Variants in RAP1A observed in about 807,000 individuals in gnomAD.
RAP1A encodes RAP1A, member of RAS oncogene family.
A neutral mutation model predicts 26.4 loss-of-function variants in RAP1A; 6 were observed. That is an observed-to-expected ratio of 0.23 (90% CI 0.12 to 0.45). The LOEUF is 0.45. Among genes scored for constraint, RAP1A ranks in the 20% least tolerant of loss-of-function variants. The pLI is 0.99. For missense variants in RAP1A, 121 were observed against 217.2 expected, an observed-to-expected ratio of 0.56 and a Z score of 2.78; for synonymous variants, 73 against 79.4, an observed-to-expected ratio of 0.92 and a Z score of 0.43.
chr1:111,584,262 T>TA (rs1658319801), intron 1 of RAP1A, among the ~76,000 whole-genome samples: 1 of 152,180 alleles, frequency 6.6e-6, no homozygotes, highest in African/African-American at 2.4e-5. Flanking sequence ...AGATTAATTT[T>TA]ACCACCAGAA....
chr1:111,550,934 T>C (rs1657230403), intron 1 of RAP1A, among the ~76,000 whole-genome samples: 1 of 152,268 alleles, frequency 6.6e-6, no homozygotes, highest in Non-Finnish European at 1.5e-5. Flanking sequence ...ATGTTTATCA[T>C]TGTTATATCT....
intron 1 of RAP1A, among the ~76,000 whole-genome samples, chr1:111,621,520 T>G (rs1395459256): frequency 9.2e-5 from 14 of 152,242 alleles, no homozygotes; most frequent in Admixed American, 7.9e-4. Flanking sequence ...TGTTAGGTAT[T>G]GAGGATCATA....
chr1:111,689,720 A>G (rs1661610184), intron 1 of RAP1A, among the ~76,000 whole-genome samples: 1 of 151,976 alleles, frequency 6.6e-6, no homozygotes, highest in Non-Finnish European at 1.5e-5. Flanking sequence ...CCCAGGCTGG[A>G]GTGCAGTGGC....
At chr1:111,678,290 A>T (rs187948426) in intron 1 of RAP1A, among the ~76,000 whole-genome samples, 1 of 152,198 alleles carries the variant, frequency 6.6e-6, no homozygotes, top group East Asian at 1.9e-4. Context: ...AATTTCAGCC[A>T]TGTTTTGTAG....
chr1:111,606,237 G>A (rs975028116), intron 1 of RAP1A, among the ~76,000 whole-genome samples: 1 of 152,014 alleles, frequency 6.6e-6, no homozygotes, highest in Non-Finnish European at 1.5e-5. Context: ...ATTCTTTTAG[G>A]TGTGGTGTTG....
chr1:111,623,668 CA>C (rs1659295082), intron 1 of RAP1A, among the ~76,000 whole-genome samples: 1 of 152,212 alleles, frequency 6.6e-6, no homozygotes, highest in South Asian at 2.1e-4. Flanking sequence ...CTCAGCCTCC[CA>C]GAATGCTGGA....
chr1:111,685,172 G>A (rs1323623889), intron 1 of RAP1A, among the ~76,000 whole-genome samples: 6 of 152,048 alleles, frequency 3.9e-5, no homozygotes, highest in South Asian at 2.1e-4. Context: ...ATAAAAACCC[G>A]AGAAGATAAC....
At chr1:111,567,928 G>C (rs1358177817) in intron 1 of RAP1A, among the ~76,000 whole-genome samples, 1 of 152,220 alleles carries the variant, frequency 6.6e-6, no homozygotes, top group Non-Finnish European at 1.5e-5. Flanking sequence ...GTGGTACTTT[G>C]TTGTGGCAGC....
chr1:111,575,301 G>A (rs926756001), intron 1 of RAP1A, among the ~76,000 whole-genome samples: 4 of 152,132 alleles, frequency 2.6e-5, no homozygotes, highest in Non-Finnish European at 4.4e-5. Flanking sequence ...TTACAGGCAT[G>A]CATCACCACA....
Position 111,688,337 on chromosome 1 carries a change from TG to T in RAP1A, c.-27-2996del, listed in dbSNP as rs1557892935. The stretch of plus-strand genomic sequence containing the variant: ...TTTCTTTCTTTCTTTTTTTTTTTTT[TG>T]AGACGGAGTCTTGCTCTGTTGCCCA... On this transcript the variant is annotated intron_variant, in intron 1 of 7. Coordinates refer to ENST00000369709, the MANE Select transcript of RAP1A (RefSeq NM_002884.4). Among the ~76,000 whole-genome samples, 360 of 148,122 alleles carry T rather than the reference TG, an allele frequency of 2.4e-3. 1 individual carries two copies. Among genetic ancestry groups the T allele is most frequent in the African/African-American group, 8.5e-3 (342 of 40,116 alleles).
intron 3 of RAP1A, among the ~76,000 whole-genome samples, chr1:111,696,134 A>G (rs1661821039): frequency 6.6e-6 from 1 of 152,224 alleles, no homozygotes; most frequent in Non-Finnish European, 1.5e-5. Context: ...CTTGGTCTTG[A>G]CAAAAAATAT....
At chr1:111,545,236 C>T (rs1486247384) in intron 1 of RAP1A, among the ~76,000 whole-genome samples, 1 of 152,124 alleles carries the variant, frequency 6.6e-6, no homozygotes, top group Non-Finnish European at 1.5e-5. Flanking sequence ...ATTTCATTCC[C>T]ACCGGCAATG....
chr1:111,594,211 T>C (rs1016018033), intron 1 of RAP1A, among the ~76,000 whole-genome samples: 9 of 152,038 alleles, frequency 5.9e-5, no homozygotes, highest in Non-Finnish European at 2.9e-5. Flanking sequence ...AGTGGGAAAA[T>C]GTAAAACTAA....
At chr1:111,593,501 G>C (rs1283271164) in intron 1 of RAP1A, among the ~76,000 whole-genome samples, 1 of 151,952 alleles carries the variant, frequency 6.6e-6, no homozygotes, top group Non-Finnish European at 1.5e-5. Context: ...CCACCTCAAA[G>C]CTAAGGCTCC....
At chr1:111,594,499 A>AGACG (rs1310232172) in intron 1 of RAP1A, among the ~76,000 whole-genome samples, 1 of 104,024 alleles carries the variant, frequency 9.6e-6, no homozygotes, top group African/African-American at 4.2e-5. Context: ...AAGGAAGGAC[A>AGACG]GATGGAAGGA....
At chr1:111,551,333 T>C (rs919253262) in intron 1 of RAP1A, among the ~76,000 whole-genome samples, 3 of 152,192 alleles carry the variant, frequency 2.0e-5, no homozygotes, top group African/African-American at 7.2e-5. Flanking sequence ...CCGTTACTAG[T>C]TTCTTCTGTG....
chr1:111,691,502 A>G (rs1439617463), intron 2 of RAP1A, 85 bp downstream of exon 2: 3 of 1,254,694 alleles, frequency 2.4e-6, no homozygotes, highest in Non-Finnish European at 3.5e-6. Context: ...CTAGATGCCA[A>G]AGAGAAAAGG....
intron 1 of RAP1A, among the ~76,000 whole-genome samples, chr1:111,662,469 A>G (rs1375153701): frequency 6.6e-6 from 1 of 152,040 alleles, no homozygotes; most frequent in Non-Finnish European, 1.5e-5. Flanking sequence ...TTTCAAAACA[A>G]AGGTGTCTAG....
intron 3 of RAP1A, among the ~76,000 whole-genome samples, chr1:111,696,877 CACTGTTTT>C (rs571425767): frequency 8.1e-4 from 123 of 152,186 alleles, no homozygotes; most frequent in East Asian, 5.4e-3. Flanking sequence ...TTTCTTGAGG[CACTGTTTT>C]AGCTCATTGC....
Sources: allele counts gnomAD v4.1 joint callset (sites outside exome capture counted in the v4.1 genomes callset), GRCh38; gene constraint gnomAD v4.1.1; transcripts MANE v1.5; gene names NCBI Gene and HGNC (gene_info 2026-07-23, HGNC 2026-07-21).